Variants in PLSCR2 observed in about 807,000 individuals in gnomAD.
PLSCR2 encodes PL scramblase 2.
A neutral mutation model predicts 25.3 loss-of-function variants in PLSCR2; 18 were observed. The ratio of observed to expected loss-of-function variants is 0.71; its 90% CI spans 0.49 to 1.06. The LOEUF (loss-of-function observed/expected upper bound fraction) is 1.06, where lower values mean the gene tolerates loss of function less well. Ranked by LOEUF, PLSCR2 falls within the 50% of genes least tolerant of loss-of-function variation. The probability of loss-of-function intolerance (pLI) is 0.00; values close to 1 mark genes in which losing one functional copy is unlikely to be tolerated. For missense variants in PLSCR2, 243 were observed against 269.5 expected, an observed-to-expected ratio of 0.90 and a Z score of 0.69; for synonymous variants, 88 against 87.3, an observed-to-expected ratio of 1.01 and a Z score of -0.04.
intron 3 of PLSCR2, among the ~76,000 whole-genome samples, chr3:146,394,317 G>C (rs1057041452): frequency 4.6e-5 from 7 of 151,706 alleles, no homozygotes; most frequent in African/African-American, 1.2e-4. Context: ...GTCCAGGCTG[G>C]AGTGCAGTGG....
At chr3:146,463,941 T>C, upstream of PLSCR2, 3 of 981,270 alleles carry the variant, frequency 3.1e-6, no homozygotes, top group Non-Finnish European at 3.6e-6. Flanking sequence ...CTTAGTTACA[T>C]CTACTCAAGA....
At chr3:146,405,364 T>C (rs1357162972) in intron 2 of PLSCR2, among the ~76,000 whole-genome samples, 1 of 152,102 alleles carries the variant, frequency 6.6e-6, no homozygotes, top group East Asian at 1.9e-4. Context: ...ATCAGTTAAT[T>C]GCATTCTTGG....
intron 8 of PLSCR2, among the ~76,000 whole-genome samples, chr3:146,435,782 T>A (rs1054980288): frequency 6.6e-6 from 1 of 152,192 alleles, no homozygotes; most frequent in Non-Finnish European, 1.5e-5. Flanking sequence ...TTTAATTAGA[T>A]CCCATTTGTC....
intron 1 of PLSCR2, among the ~76,000 whole-genome samples, chr3:146,482,012 C>T (rs2043147847): frequency 6.6e-6 from 1 of 152,122 alleles, no homozygotes; most frequent in Non-Finnish European, 1.5e-5. Flanking sequence ...GCTTGGAAAA[C>T]TGGCTAGCCA....
chr3:146,435,464 C>T (rs1418079094), intron 8 of PLSCR2, among the ~76,000 whole-genome samples: 1 of 152,234 alleles, frequency 6.6e-6, no homozygotes, highest in Non-Finnish European at 1.5e-5. Flanking sequence ...GACTGCCATT[C>T]TAACTGGTGT....
intron 1 of PLSCR2, among the ~76,000 whole-genome samples, chr3:146,492,578 C>A (rs115040984): frequency 0.017 from 2,624 of 151,660 alleles, 35 homozygotes; most frequent in Non-Finnish European, 0.023. Context: ...TAAGTCAGAT[C>A]AAAAAAAATT....
intron 2 of PLSCR2, among the ~76,000 whole-genome samples, chr3:146,408,666 C>T (rs1392676280): frequency 3.9e-5 from 6 of 152,030 alleles, no homozygotes; most frequent in East Asian, 3.9e-4. Flanking sequence ...ATTAAGAGCA[C>T]GGCTATTTTC....
At chr3:146,478,997 C>A (rs1299739786) in intron 1 of PLSCR2, among the ~76,000 whole-genome samples, 1 of 152,052 alleles carries the variant, frequency 6.6e-6, no homozygotes, top group Non-Finnish European at 1.5e-5. Context: ...CCAAACTAAG[C>A]TTCATAAGTA....
chr3:146,422,614 C>T (rs2039189515), intron 2 of PLSCR2, among the ~76,000 whole-genome samples: 1 of 152,062 alleles, frequency 6.6e-6, no homozygotes, highest in African/African-American at 2.4e-5. Flanking sequence ...CAGCTATGCA[C>T]TGCATAATTT....
chr3:146,486,899 C>T lies in PLSCR2; in HGVS notation c.-293+8996G>A, dbSNP rs1026879984. Among the ~76,000 whole-genome samples, 5 of 152,022 alleles carry T rather than the reference C, an allele frequency of 3.3e-5. No individual in the cohort carries two copies. The South Asian group carries it at 1.0e-3, about 31-fold the overall frequency. On this transcript the variant is annotated intron_variant, in intron 1 of 8. Transcript: ENST00000336685. Reference sequence around the variant, plus strand: ...TCAGGCAAATATTCCTGATGAACATCAAGGCTAAAATCCTCAATAAAATAC... The same window carrying T: ...TCAGGCAAATATTCCTGATGAACATTAAGGCTAAAATCCTCAATAAAATAC...
intron 2 of PLSCR2, among the ~76,000 whole-genome samples, chr3:146,419,538 A>C (rs2039082827): frequency 6.6e-6 from 1 of 152,104 alleles, no homozygotes; most frequent in Non-Finnish European, 1.5e-5. Flanking sequence ...ATCACTACAT[A>C]CTTAGTGGCT....
chr3:146,397,268 G>A (rs913212882), intron 2 of PLSCR2, among the ~76,000 whole-genome samples: 10 of 151,930 alleles, frequency 6.6e-5, no homozygotes, highest in East Asian at 5.8e-4. Context: ...TGGTCAGTTC[G>A]TTTCTTAATT....
At chr3:146,402,186 A>G (rs935107135) in intron 2 of PLSCR2, among the ~76,000 whole-genome samples, 1 of 152,128 alleles carries the variant, frequency 6.6e-6, no homozygotes, top group Non-Finnish European at 1.5e-5. Context: ...ATAAGAGGCA[A>G]TACTTATTAT....
At chr3:146,452,939 CAT>C (rs960470728) in intron 5 of PLSCR2, among the ~76,000 whole-genome samples, 1 of 151,750 alleles carries the variant, frequency 6.6e-6, no homozygotes, top group African/African-American at 2.4e-5. Flanking sequence ...TGCATATTAT[CAT>C]ATATTTTATA....
intron 3 of PLSCR2, 121 bp downstream of exon 3, chr3:146,458,290 T>C (rs1649068296): frequency 1.3e-6 from 1 of 778,870 alleles, no homozygotes; most frequent in Non-Finnish European, 1.9e-6. Flanking sequence ...CAGACATTCG[T>C]AAATAGTCAG....
intron 6 of PLSCR2, among the ~76,000 whole-genome samples, chr3:146,442,156 T>C (rs527807040): frequency 2.6e-5 from 4 of 152,064 alleles, no homozygotes; most frequent in Non-Finnish European, 5.9e-5. Flanking sequence ...TCTCTAGTAA[T>C]ATAACTCTTC....
chr3:146,438,278 T>C (rs894485703), downstream of PLSCR2, among the ~76,000 whole-genome samples: 3 of 152,204 alleles, frequency 2.0e-5, no homozygotes, highest in Non-Finnish European at 4.4e-5. Context: ...GTTCTGTAGA[T>C]GTCTATCAGG....
At chr3:146,437,930 T>C (rs1050575778), downstream of PLSCR2, among the ~76,000 whole-genome samples, 2 of 152,248 alleles carry the variant, frequency 1.3e-5, no homozygotes, top group Admixed American at 6.5e-5. Flanking sequence ...AATTTCCCTC[T>C]ACCCACTGCA....
intron 6 of PLSCR2, among the ~76,000 whole-genome samples, chr3:146,447,682 G>C (rs2040636048): frequency 6.6e-6 from 1 of 152,080 alleles, no homozygotes; most frequent in Admixed American, 6.6e-5. Context: ...GCACTCCTTG[G>C]GCTGCCCTGG....
Sources: allele counts gnomAD v4.1 joint callset (sites outside exome capture counted in the v4.1 genomes callset), GRCh38; gene constraint gnomAD v4.1.1; transcripts MANE v1.5; gene names NCBI Gene and HGNC (gene_info 2026-07-23, HGNC 2026-07-21).